IQSEC1: variants seen among roughly 807,000 people sequenced by gnomAD.
The protein encoded by IQSEC1 is IQ motif and SEC7 domain-containing protein 1.
In IQSEC1, 31 loss-of-function variants were observed where a neutral mutation model predicts 91.0. That is an observed-to-expected ratio of 0.34 (90% CI 0.26 to 0.46). The LOEUF is 0.46. IQSEC1 is among the 20% of genes least tolerant of loss of function. The pLI, the probability that IQSEC1 is intolerant of heterozygous loss-of-function variation, is 1.00. For missense variants in IQSEC1, 1,388 were observed against 1,575.6 expected (o/e 0.88, Z 2.02); for synonymous variants, 699 against 662.6 (o/e 1.05, Z -0.84).
intron 1 of IQSEC1, among the ~76,000 whole-genome samples, chr3:13,165,549 T>G (rs1693475864): frequency 8.3e-6 from 1 of 120,910 alleles, no homozygotes; most frequent in Non-Finnish European, 1.8e-5. Context: ...TGTGTGTGTG[T>G]GTGTGTGTGT....
At chr3:13,042,908 C>T (rs1367920099) in intron 1 of IQSEC1, among the ~76,000 whole-genome samples, 1 of 152,174 alleles carries the variant, frequency 6.6e-6, no homozygotes, top group Non-Finnish European at 1.5e-5. Context: ...AAACACTGGC[C>T]TCTTTTGCCA....
chr3:13,261,494 C>G (rs980864411), intron 1 of IQSEC1, among the ~76,000 whole-genome samples: 5 of 152,140 alleles, frequency 3.3e-5, no homozygotes, highest in Non-Finnish European at 7.4e-5. Flanking sequence ...CACACAAATC[C>G]CATCTTAGAG....
rs138356942 is a variant in IQSEC1 at position 13,255,308 on chromosome 3, C to A, written c.272+27403G>T. ...CTGAGGACGGCTCTGCCTTGTGAGA[C>A]GGAGGTCTGTCCCCTGATCCTGAGG... On this transcript the variant is annotated intron_variant, in intron 1 of 15. Transcript: ENST00000648114. Among the ~76,000 whole-genome samples, 4 of 152,232 alleles carry A rather than the reference C, an allele frequency of 2.6e-5. No homozygotes were observed. In the South Asian group the frequency reaches 8.3e-4, roughly 32 times the overall value.
chr3:13,240,040 T>C (rs1028172763), intron 1 of IQSEC1, among the ~76,000 whole-genome samples: 7 of 152,042 alleles, frequency 4.6e-5, no homozygotes, highest in African/African-American at 7.3e-5. Context: ...ATGTTATGCA[T>C]ATTTTGTAAC....
chr3:13,150,644 G>A lies in IQSEC1; in HGVS notation c.302+13460C>T, dbSNP rs554232090. ...AAGATATTGGCTCCTGATGTTTTTA[G>A]TGGGAGTCTCCACCTTCATGCATTC... is the stretch of plus-strand genomic sequence containing the variant. On this transcript the variant is annotated intron_variant, in intron 2 of 15. Coordinates refer to the IQSEC1 transcript ENST00000648114. Among the ~76,000 whole-genome samples, 556 of 152,310 alleles carry A rather than the reference G, an allele frequency of 3.7e-3. 2 individuals are homozygous for A. The highest frequency in any genetic ancestry group is 4.9e-3 in the Non-Finnish European group (331 of 68,028).
intron 2 of IQSEC1, among the ~76,000 whole-genome samples, chr3:13,149,431 G>A (rs758309153): frequency 7.2e-5 from 11 of 152,044 alleles, no homozygotes; most frequent in Admixed American, 4.6e-4. Context: ...GCCGGGGTGG[G>A]GGGGCGGACA....
rs1441609255 is a variant in IQSEC1, at chr3:12,994,140, G to A, written c.24-52275C>T. ...CGTCCCCGCGGCCGGCGCGGCCCCA[G>A]AGCGTCCGGTGGCCGGGCGCGGGGG... On this transcript the variant is annotated intron_variant, in intron 1 of 13. Transcript: ENST00000613206. The surrounding 1 kb of genome is among the most constrained non-coding windows in gnomAD (Gnocchi z 4.5). Among the ~76,000 whole-genome samples the A allele has an allele frequency of 2.7e-5, 4 of 146,264 alleles. No individual in the cohort carries two copies. Among genetic ancestry groups the A allele is most frequent in the African/African-American group, 9.8e-5 (4 of 40,896 alleles).
At chr3:13,254,098 G>T (rs1478433143) in intron 1 of IQSEC1, among the ~76,000 whole-genome samples, 1 of 152,258 alleles carries the variant, frequency 6.6e-6, no homozygotes, top group South Asian at 2.1e-4. Context: ...CCGTCACGTT[G>T]ACCTGGAGGT....
At chr3:13,244,784 C>T (rs949082397) in intron 1 of IQSEC1, among the ~76,000 whole-genome samples, 1 of 152,104 alleles carries the variant, frequency 6.6e-6, no homozygotes, top group Non-Finnish European at 1.5e-5. Flanking sequence ...GACCTGCCAG[C>T]CATTGACCAC....
At chr3:13,024,793 T>A (rs748240893) in intron 1 of IQSEC1, among the ~76,000 whole-genome samples, 4 of 152,224 alleles carry the variant, frequency 2.6e-5, no homozygotes, top group Non-Finnish European at 4.4e-5. Context: ...ACACTCTATC[T>A]GTCTTTGCCA....
intron 1 of IQSEC1, among the ~76,000 whole-genome samples, chr3:13,247,428 C>A (rs530371018): frequency 6.6e-6 from 1 of 152,332 alleles, no homozygotes; most frequent in East Asian, 1.9e-4. Context: ...ATGAATGTTG[C>A]GGCTGCTGTG....
chr3:12,913,297 A>G, intron 9 of IQSEC1, 131 bp downstream of exon 9: 1 of 959,160 alleles, frequency 1.0e-6, no homozygotes, highest in Non-Finnish European at 1.5e-6. Context: ...ATCAGTGTGA[A>G]AGACACCAGG....
At position 12,927,828 on chromosome 3, in the gene IQSEC1, G is replaced by A. The variant is rs539839343; in HGVS notation, c.1569-3086C>T. Among the ~76,000 whole-genome samples the A allele has an allele frequency of 5.3e-5, 8 of 152,342 alleles. No homozygotes were observed. In the South Asian group the frequency reaches 1.4e-3, roughly 28 times the overall value. ...CAAGGGACAGAGACTGAGGTATCAG[G>A]CAATTTTCTGGGAAGAGGTGACAGT... On this transcript the variant is annotated intron_variant, in intron 3 of 13. Coordinates refer to ENST00000613206, the MANE Select transcript of IQSEC1 (RefSeq NM_001134382.3).
In IQSEC1 at chr3:13,258,322, A is replaced by G. The variant is rs544354503; in HGVS notation, c.272+24389T>C. 2.0e-5 allele frequency among the ~76,000 whole-genome samples: 3 copies of G among 152,340 alleles called. No individual in the cohort carries two copies. The East Asian group carries it at 5.8e-4, about 29-fold the overall frequency. On this transcript the variant is annotated intron_variant, in intron 1 of 15. Coordinates refer to the IQSEC1 transcript ENST00000648114. Reference sequence around the variant, plus strand: ...TACTGCTCAATTTTTCTGTAAACCTAAAGTGCTCTAAAAGTAAAGACTATT... The same window carrying G: ...TACTGCTCAATTTTTCTGTAAACCTGAAGTGCTCTAAAAGTAAAGACTATT...
At chr3:13,261,024 C>CCAT (rs1455419613) in intron 1 of IQSEC1, among the ~76,000 whole-genome samples, 1 of 152,198 alleles carries the variant, frequency 6.6e-6, no homozygotes, top group Non-Finnish European at 1.5e-5. Flanking sequence ...CCTCAAGCTG[C>CCAT]CATCACTCTC....
At chr3:13,243,732 T>TAGAAGTGGG (rs879644121) in intron 1 of IQSEC1, among the ~76,000 whole-genome samples, 524 of 152,216 alleles carry the variant, frequency 3.4e-3, no homozygotes, top group Non-Finnish European at 6.0e-3. Flanking sequence ...CACATGCCTC[T>TAGAAGTGGG]CTGGTCTCAC....
chr3:13,019,649 T>C (rs958364645), intron 1 of IQSEC1, among the ~76,000 whole-genome samples: 7 of 152,198 alleles, frequency 4.6e-5, no homozygotes, highest in African/African-American at 9.7e-5. Context: ...AGTGCTTCTC[T>C]TGGAGCCCAA....
At chr3:12,957,310 C>T (rs1376481554) in intron 1 of IQSEC1, among the ~76,000 whole-genome samples, 6 of 152,200 alleles carry the variant, frequency 3.9e-5, no homozygotes, top group Non-Finnish European at 1.5e-5. Flanking sequence ...ATAGCCTGCC[C>T]TCTGCCAGAC....
intron 1 of IQSEC1, among the ~76,000 whole-genome samples, chr3:13,274,995 G>T (rs1404375654): frequency 6.6e-6 from 1 of 152,228 alleles, no homozygotes; most frequent in Non-Finnish European, 1.5e-5. Context: ...AGCCCAGCGT[G>T]GTGGTGAACT....
Sources: allele counts gnomAD v4.1 joint callset (sites outside exome capture counted in the v4.1 genomes callset), GRCh38; gene constraint gnomAD v4.1.1; non-coding constraint Gnocchi (gnomAD v3.1); transcripts MANE v1.5; gene names NCBI Gene and HGNC (gene_info 2026-07-23, HGNC 2026-07-21).